CMC2: variants seen among roughly 807,000 people sequenced by gnomAD.
The protein encoded by CMC2 is C-X9-C motif containing 2.
In CMC2, 5 loss-of-function variants were observed where a neutral mutation model predicts 7.5. That is an observed-to-expected ratio of 0.66 (90% CI 0.35 to 1.40). The LOEUF (loss-of-function observed/expected upper bound fraction) is 1.40. Among genes scored for constraint, CMC2 ranks in the 40% most tolerant of loss-of-function variants. The pLI is 0.04. For missense variants in CMC2, 115 were observed against 92.3 expected, an observed-to-expected ratio of 1.25 and a Z score of -1.01; for synonymous variants, 37 against 31.4, an observed-to-expected ratio of 1.18 and a Z score of -0.60.
chr16:80,972,697 G>C lies in CMC2; in HGVS notation c.*3396C>G, dbSNP rs538014640. 9.9e-5 allele frequency: 15 copies of C among 152,070 alleles called. No individual in the cohort carries two copies. Among genetic ancestry groups the C allele is most frequent in the Non-Finnish European group, 2.2e-4 (15 of 68,012 alleles). The allele number at this position is 152,070 out of a possible 1,614,324, so 9.4% of individuals were successfully genotyped here. A position where few individuals can be genotyped will look rare whatever the true frequency, so the allele number is the denominator to read the frequency against. On this transcript the variant is annotated 3_prime_UTR_variant, in exon 4 of 4. Coordinates refer to ENST00000219400, the MANE Select transcript of CMC2 (RefSeq NM_020188.5). ...CTAAGTTCTTCAGCTTCCAAGAGAT[G>C]GTCTCTTATGACCCAAAAGTTTACT...
intron 2 of CMC2, chr16:80,988,599 A>T (rs905899260): frequency 7.7e-5 from 5 of 64,654 alleles, no homozygotes; most frequent in African/African-American, 2.6e-4. Flanking sequence ...CACGTTTCCT[A>T]AAAAAAACAA....
At chr16:80,992,038 T>C (rs943623650) in intron 2 of CMC2, 2 of 430,286 alleles carry the variant, frequency 4.6e-6, no homozygotes, top group Non-Finnish European at 9.3e-6. Flanking sequence ...CGATCATGTA[T>C]CAATATTGGT....
intron 1 of CMC2, among the ~76,000 whole-genome samples, chr16:81,000,658 C>T (rs1968800027): frequency 6.6e-6 from 1 of 152,178 alleles, no homozygotes; most frequent in Admixed American, 6.5e-5. Flanking sequence ...TATCACCTCA[C>T]ATCAGTGAGA....
rs1010110713 is a variant in CMC2, at chr16:80,966,635, C to T, written c.*9458G>A. 5 of 151,996 alleles carry T rather than the reference C, an allele frequency of 3.3e-5. No individual in the cohort carries two copies. Among genetic ancestry groups the T allele is most frequent in the Admixed American group, 2.0e-4 (3 of 15,258 alleles). 9.4% of individuals were successfully genotyped at this position (151,996 alleles called of 1,614,324 possible). A position where few individuals can be genotyped will look rare whatever the true frequency, so the allele number is the denominator to read the frequency against. On this transcript the variant is annotated 3_prime_UTR_variant, in exon 4 of 4. Transcript: ENST00000219400. ...ATAAAGTTTTACTTTTTTTGCAGTT[C>T]TCCTTATCTTCAGGATGTATCACCT...
chr16:80,991,752 A>G (rs926253181), intron 2 of CMC2: 3 of 329,084 alleles, frequency 9.1e-6, no homozygotes, highest in Non-Finnish European at 1.8e-5. Context: ...AATGTACTTT[A>G]CCTCTGTGGT....
chr16:80,985,120 A>G (rs892911404), intron 2 of CMC2, among the ~76,000 whole-genome samples: 1 of 152,226 alleles, frequency 6.6e-6, no homozygotes, highest in East Asian at 1.9e-4. Context: ...CTCACAGTAC[A>G]TAGTCAGAGG....
chr16:80,981,315 GT>G (rs1246974759), intron 3 of CMC2, among the ~76,000 whole-genome samples: 1 of 152,186 alleles, frequency 6.6e-6, no homozygotes, highest in Non-Finnish European at 1.5e-5. Flanking sequence ...CTAAAATCAA[GT>G]TCAGGAGATG....
In CMC2 at chr16:80,977,586, G is replaced by A. The variant is rs77321929; in HGVS notation, c.154-1407C>T. On this transcript the variant is annotated intron_variant, in intron 3 of 3. Coordinates refer to ENST00000219400, the MANE Select transcript of CMC2 (RefSeq NM_020188.5). Reference sequence around the variant, plus strand: ...ACCGAGCTCATCAGGGACAAACCCCGCCACCCAAGAGAGAGTAATGAGGGG... The same window carrying A: ...ACCGAGCTCATCAGGGACAAACCCCACCACCCAAGAGAGAGTAATGAGGGG... Among the ~76,000 whole-genome samples, 516 of 152,216 alleles carry A rather than the reference G, an allele frequency of 3.4e-3. 5 individuals carry two copies. Among genetic ancestry groups the A allele is most frequent in the African/African-American group, 0.011 (476 of 41,530 alleles).
At chr16:81,004,707 C>G (rs1283972576) in intron 1 of CMC2, among the ~76,000 whole-genome samples, 1 of 152,176 alleles carries the variant, frequency 6.6e-6, no homozygotes, top group Admixed American at 6.5e-5. Context: ...GTAGGGTACT[C>G]TTAGTGAAGA....
At chr16:81,002,090 T>TA (rs1440563607) in intron 1 of CMC2, among the ~76,000 whole-genome samples, 1 of 152,188 alleles carries the variant, frequency 6.6e-6, no homozygotes, top group Non-Finnish European at 1.5e-5. Context: ...TGTGAAGTGT[T>TA]AGTTTTCTGG....
intron 3 of CMC2, among the ~76,000 whole-genome samples, chr16:80,978,908 C>G (rs901718781): frequency 6.6e-6 from 1 of 151,830 alleles, no homozygotes; most frequent in East Asian, 1.9e-4. Flanking sequence ...GGTGAAGCCC[C>G]GTCTCTACTA....
rs1225845255 is a variant in CMC2 at position 80,969,544 on chromosome 16, G to C, written c.*6549C>G. The C allele has an allele frequency of 1.3e-5, 2 of 149,918 alleles. No individual in the cohort carries two copies. Among genetic ancestry groups the C allele is most frequent in the African/African-American group, 5.0e-5 (2 of 39,770 alleles). 9.3% of individuals were successfully genotyped at this position (149,918 alleles called of 1,614,324 possible). A position where few individuals can be genotyped will look rare whatever the true frequency, so the allele number is the denominator to read the frequency against. ...TCCCAGGACAAGACTCCAAAGTGAG[G>C]AGGAACTGCAGGGAGCAGAAAAAAA... is the stretch of plus-strand genomic sequence containing the variant. On this transcript the variant is annotated 3_prime_UTR_variant, in exon 4 of 4. Coordinates refer to ENST00000219400, the MANE Select transcript of CMC2 (RefSeq NM_020188.5).
At chr16:81,002,124 G>A (rs537751979) in intron 1 of CMC2, among the ~76,000 whole-genome samples, 2 of 152,114 alleles carry the variant, frequency 1.3e-5, no homozygotes, top group Admixed American at 1.3e-4. Flanking sequence ...TTTTCCTAAA[G>A]AAAACATACA....
chr16:80,997,263 G>C, intron 2 of CMC2, 51 bp downstream of exon 2: 1 of 986,954 alleles, frequency 1.0e-6, no homozygotes, highest in Non-Finnish European at 1.6e-6. Context: ...ACATCAGTGG[G>C]TTATAACTAA....
intron 1 of CMC2, among the ~76,000 whole-genome samples, chr16:81,001,992 T>C (rs899243900): frequency 2.6e-5 from 4 of 152,214 alleles, no homozygotes; most frequent in Non-Finnish European, 5.9e-5. Context: ...TCCAATGATA[T>C]CAATTTTTGC....
chr16:80,986,610 G>A (rs1277271577), intron 2 of CMC2, among the ~76,000 whole-genome samples: 1 of 152,228 alleles, frequency 6.6e-6, no homozygotes, highest in African/African-American at 2.4e-5. Flanking sequence ...GTGTTGCCAT[G>A]GACTATGGCA....
chr16:81,004,209 T>A (rs1379478566), intron 1 of CMC2, among the ~76,000 whole-genome samples: 4 of 143,282 alleles, frequency 2.8e-5, no homozygotes, highest in Non-Finnish European at 6.2e-5. Flanking sequence ...GTCGAAAGAG[T>A]GAGACTCCAT....
chr16:80,976,291 G>A (rs556077510), intron 3 of CMC2, 112 bp from the exon 4 acceptor site: 6 of 605,800 alleles, frequency 9.9e-6, no homozygotes, highest in Non-Finnish European at 1.4e-5. Flanking sequence ...GAGGTTAACA[G>A]GGTTTAAATT....
In CMC2 at chr16:80,974,312, C is replaced by T. The variant is rs1912126757; in HGVS notation, c.*1781G>A. On this transcript the variant is annotated 3_prime_UTR_variant, in exon 4 of 4. Transcript: ENST00000219400. ...AATTGCTCTCCTTGGGCGTTATCTT[C>T]CTTCCCCTCCAATTTATCCCCCAAA... 2 of 152,152 alleles carry T rather than the reference C, an allele frequency of 1.3e-5. No individual in the cohort carries two copies. The highest frequency in any genetic ancestry group is 4.8e-5 in the African/African-American group (2 of 41,420). The allele number at this position is 152,152 out of a possible 1,614,324, so 9.4% of individuals were successfully genotyped here.
Sources: allele counts gnomAD v4.1 joint callset (sites outside exome capture counted in the v4.1 genomes callset), GRCh38; gene constraint gnomAD v4.1.1; transcripts MANE v1.5; gene names NCBI Gene and HGNC (gene_info 2026-07-23, HGNC 2026-07-21).